CEACAM7: variants seen among roughly 807,000 people sequenced by gnomAD.
CEACAM7 encodes the protein CEA cell adhesion molecule 7.
CEACAM7 carries 24 observed loss-of-function variants against 25.7 expected under a neutral mutation model. The observed-to-expected ratio is 0.93, with a 90% confidence interval of 0.68 to 1.31. The LOEUF is 1.31. Among genes scored for constraint, CEACAM7 ranks in the 40% most tolerant of loss-of-function variants. The pLI, the probability that CEACAM7 is intolerant of heterozygous loss-of-function variation, is 0.00. For missense variants in CEACAM7, 324 were observed against 330.1 expected, an observed-to-expected ratio of 0.98 and a Z score of 0.14; for synonymous variants, 144 against 129.4, an observed-to-expected ratio of 1.11 and a Z score of -0.77.
intron 2 of CEACAM7, 23 bp downstream of exon 2, chr19:41,686,836 G>C (rs2072230089): frequency 5.9e-6 from 9 of 1,517,870 alleles, no homozygotes; most frequent in Non-Finnish European, 7.9e-6. Flanking sequence ...CCAGCACCCA[G>C]AAGTCATGGA....
intron 2 of CEACAM7, among the ~76,000 whole-genome samples, chr19:41,685,134 C>T (rs1548722): frequency 0.53 from 80,809 of 151,756 alleles, 21,471 homozygotes; most frequent in Middle Eastern, 0.63. Context: ...CACAGCGAGA[C>T]GAGGATGGAG....
chr19:41,675,012 T>C lies in CEACAM7; in HGVS notation c.*37-273A>G, dbSNP rs138199822. On this transcript the variant is annotated intron_variant, in intron 4 of 4. Transcript: ENST00000401731. ...GGAAGGTTTGATAAGGAATCTCAGA[T>C]TAAACTTTTAGAAACCTCTCAGCAC... 2.4e-3 allele frequency among the ~76,000 whole-genome samples: 367 copies of C among 152,322 alleles called. 5 individuals carry two copies. The highest frequency in any genetic ancestry group is 8.3e-3 in the African/African-American group (346 of 41,574).
chr19:41,681,237 TAGGATGGCTTTGATTTAA>T (rs1555810669), intron 3 of CEACAM7, among the ~76,000 whole-genome samples: 1 of 152,114 alleles, frequency 6.6e-6, no homozygotes, highest in Non-Finnish European at 1.5e-5. Context: ...ACACACATGT[TAGGATGGCTTTGATTTAA>T]AGAAAAAAAA....
chr19:41,678,017 A>G (rs1166257808), intron 3 of CEACAM7, among the ~76,000 whole-genome samples: 9 of 152,098 alleles, frequency 5.9e-5, no homozygotes, highest in Non-Finnish European at 1.2e-4. Context: ...CTCTCTTCGA[A>G]CTGCACTGCA....
intron 3 of CEACAM7, among the ~76,000 whole-genome samples, chr19:41,678,449 A>G (rs1427929070): frequency 6.6e-6 from 1 of 152,114 alleles, no homozygotes; most frequent in East Asian, 1.9e-4. Flanking sequence ...TGTTGCAATA[A>G]TTTGGGCTTA....
chr19:41,678,708 G>A (rs1364290311), intron 3 of CEACAM7, among the ~76,000 whole-genome samples: 1 of 152,088 alleles, frequency 6.6e-6, no homozygotes, highest in Non-Finnish European at 1.5e-5. Context: ...TGACTTCAAG[G>A]CTAATAATAA....
Position 41,687,078 on chromosome 19 carries a change from C to T in CEACAM7, c.208G>A (p.Gly70Arg). ...QNLYGYNWYK[G>R]ERVHANYRII... ...CGATAGTTGGCATGCACCCTTTCCC[C>T]TTTGTACCAGTTGTAGCCATAAAGA... Residue 70 changes from glycine (G) to arginine (R), a missense_variant, in exon 2 of 5, where the codon GGG becomes AGG. Physicochemically the swap from Gly to Arg is moderately radical, Grantham distance 125 (BLOSUM62 -2). Coordinates refer to ENST00000401731, the MANE Select transcript of CEACAM7 (RefSeq NM_001291485.2). 1.2e-6 allele frequency: 2 copies of T among 1,614,082 alleles called. No individual in the cohort carries two copies. The highest frequency in any genetic ancestry group is 1.3e-5 in the African/African-American group (1 of 74,986).
chr19:41,679,968 ATTTTTTTTT>A (rs35163344), intron 3 of CEACAM7, among the ~76,000 whole-genome samples: 14 of 68,880 alleles, frequency 2.0e-4, no homozygotes, highest in African/African-American at 7.8e-4. Context: ...CACCTGGCTA[ATTTTTTTTT>A]TTTTTTTTTT....
Position 41,687,162 on chromosome 19 carries a change from G to C in CEACAM7, c.124C>G (p.Pro42Ala), listed in dbSNP as rs782344275. The C allele has an allele frequency of 1.9e-6, 3 of 1,613,690 alleles. No individual in the cohort carries two copies. The highest frequency in any genetic ancestry group is 8.5e-7 in the Non-Finnish European group (1 of 1,179,856). Residue 42 changes from proline (P) to alanine (A), a missense_variant, in exon 2 of 5, where the codon CCG becomes GCG. Physicochemically the swap from Pro to Ala is conservative, Grantham distance 27 (BLOSUM62 -1). Coordinates refer to ENST00000401731, the MANE Select transcript of CEACAM7 (RefSeq NM_001291485.2). ...TCCTTCCCTTCTGCGACATTGAACG[G>C]CACGACATCAATATTGGTCTGGGCA... ...NSAQTNIDVV[P>A]FNVAEGKEVL...
At chr19:41,683,121 A>T (rs537561825) in intron 3 of CEACAM7, among the ~76,000 whole-genome samples, 71 of 152,330 alleles carry the variant, frequency 4.7e-4, no homozygotes, top group Non-Finnish European at 7.9e-4. Flanking sequence ...ATATGATGCC[A>T]ACGGTCCAGG....
At position 41,677,541 on chromosome 19, in the gene CEACAM7, T is replaced by G. The variant is rs781985623; in HGVS notation, c.707-38A>C. ...GAAAAGAGAAGGAATGAAGTTGATC[T>G]TATTTTACAGGGAAGTCCCCCAGGA... is the stretch of plus-strand genomic sequence containing the variant. On this transcript the variant is annotated intron_variant, in intron 3 of 4. Coordinates refer to ENST00000401731, the MANE Select transcript of CEACAM7 (RefSeq NM_001291485.2). 3.3e-6 allele frequency: 5 copies of G among 1,515,248 alleles called. No homozygotes were observed. The Admixed American group carries it at 8.4e-5, about 25-fold the overall frequency. The allele number at this position is 1,515,248 out of a possible 1,614,324, so 93.9% of individuals were successfully genotyped here. A position where few individuals can be genotyped will look rare whatever the true frequency, so the allele number is the denominator to read the frequency against.
chr19:41,675,878 G>A (rs782237851), intron 4 of CEACAM7, among the ~76,000 whole-genome samples: 22 of 152,064 alleles, frequency 1.4e-4, no homozygotes, highest in African/African-American at 4.3e-4. Flanking sequence ...TAACATACCC[G>A]CAAATATAAC....
Position 41,674,642 on chromosome 19 carries a change from C to A in CEACAM7, c.*134G>T. 2.9e-6 allele frequency: 1 copy of A among 350,714 alleles called. No homozygotes were observed. The highest frequency in any genetic ancestry group is 3.0e-5 in the Admixed American group (1 of 33,318). The allele number at this position is 350,714 out of a possible 1,614,324, so 21.7% of individuals were successfully genotyped here. ...CTTGAAATTTACATTGAGTTGTCCACCTCCAGCTTATAGGTCTTCAGGAAG... is the reference window on the plus strand; with the variant it reads ...CTTGAAATTTACATTGAGTTGTCCAACTCCAGCTTATAGGTCTTCAGGAAG... On this transcript the variant is annotated 3_prime_UTR_variant, in exon 5 of 5. Coordinates refer to ENST00000401731, the MANE Select transcript of CEACAM7 (RefSeq NM_001291485.2).
In CEACAM7 at chr19:41,687,976, G is replaced by A. The variant is rs1555811408; in HGVS notation, c.64+126C>T. 7 of 622,742 alleles carry A rather than the reference G, an allele frequency of 1.1e-5. No individual in the cohort carries two copies. The Admixed American group carries it at 2.3e-4, about 21-fold the overall frequency. The allele number at this position is 622,742 out of a possible 1,614,324, so 38.6% of individuals were successfully genotyped here. On this transcript the variant is annotated intron_variant, in intron 1 of 4. Transcript: ENST00000401731. ...TGTTCTGGTTTCCTGTCCCTGTCTG[G>A]TGTCCTCTCCCAAAGGACTTCAACA... is the stretch of plus-strand genomic sequence containing the variant.
At chr19:41,675,743 A>T (rs1200468921) in intron 4 of CEACAM7, among the ~76,000 whole-genome samples, 1 of 152,232 alleles carries the variant, frequency 6.6e-6, no homozygotes, top group African/African-American at 2.4e-5. Flanking sequence ...TTCAGATTTG[A>T]TAGATTTGAT....
At chr19:41,684,914 A>G in intron 2 of CEACAM7, among the ~76,000 whole-genome samples, 1 of 152,204 alleles carries the variant, frequency 6.6e-6, no homozygotes, top group South Asian at 2.1e-4. Flanking sequence ...ACACAACAAG[A>G]GTTTGATCAA....
chr19:41,676,810 T>A (rs2072118268), intron 4 of CEACAM7, among the ~76,000 whole-genome samples: 1 of 152,130 alleles, frequency 6.6e-6, no homozygotes, highest in South Asian at 2.1e-4. Flanking sequence ...GAATTCTATG[T>A]GTACATGGGG....
chr19:41,679,877 C>T (rs1163425772), intron 3 of CEACAM7, among the ~76,000 whole-genome samples: 1 of 144,066 alleles, frequency 6.9e-6, no homozygotes, highest in Non-Finnish European at 1.5e-5. Flanking sequence ...TCTCGGCTCA[C>T]TGCAACCTCT....
In CEACAM7 at chr19:41,674,686, A is replaced by G; in HGVS notation, c.*90T>C. ...CAGGAAGAGAGCAGGTCTTATACTT[A>G]GTGATGCCACAGGAGAAAATGGGAT... On this transcript the variant is annotated 3_prime_UTR_variant, in exon 5 of 5. Transcript: ENST00000401731. The G allele has an allele frequency of 7.6e-6, 2 of 264,150 alleles. No homozygotes were observed. The highest frequency in any genetic ancestry group is 1.5e-5 in the Non-Finnish European group (2 of 132,022). 16.4% of individuals were successfully genotyped at this position (264,150 alleles called of 1,614,324 possible). A position where few individuals can be genotyped will look rare whatever the true frequency, so the allele number is the denominator to read the frequency against.
Sources: gnomAD v4.1 joint callset for allele counts (sites outside exome capture counted in the v4.1 genomes callset) on GRCh38, gnomAD v4.1.1 for gene constraint, MANE v1.5 for transcripts, NCBI Gene and HGNC (gene_info 2026-07-23, HGNC 2026-07-21) for gene names.